The following ASTN2 variants were observed in gnomAD, a reference collection of about 807,000 sequenced individuals.
ASTN2 encodes the protein astrotactin-2.
A neutral mutation model predicts 139.8 loss-of-function variants in ASTN2; 54 were observed. That is an observed-to-expected ratio of 0.39 (90% CI 0.31 to 0.48). The LOEUF is 0.48. ASTN2 is among the 20% of genes least tolerant of loss of function. ASTN2 has a pLI of 0.95. For synonymous variants in ASTN2, 756 were observed against 719.5 expected (o/e 1.05, Z -0.81); for missense variants, 1,565 against 1,725.1 (o/e 0.91, Z 1.64).
intron 19 of ASTN2, among the ~76,000 whole-genome samples, chr9:116,593,435 G>C (rs969548921): frequency 6.6e-5 from 10 of 152,190 alleles, no homozygotes; most frequent in African/African-American, 2.2e-4. Context: ...GTTAAAGGAA[G>C]AGAATGTCTG....
At chr9:116,786,557 C>T (rs910124556) in intron 13 of ASTN2, among the ~76,000 whole-genome samples, 10 of 151,970 alleles carry the variant, frequency 6.6e-5, no homozygotes, top group Non-Finnish European at 8.8e-5. Flanking sequence ...CTTGTTACTA[C>T]AATCACTACT....
chr9:117,216,277 C>T (rs779903462), intron 2 of ASTN2, among the ~76,000 whole-genome samples: 1 of 152,190 alleles, frequency 6.6e-6, no homozygotes, highest in Non-Finnish European at 1.5e-5. Context: ...ATTTGCAAGA[C>T]CCTCAGCTCA....
intron 1 of ASTN2, among the ~76,000 whole-genome samples, chr9:117,321,503 T>C (rs1828321028): frequency 6.6e-6 from 1 of 152,150 alleles, no homozygotes; most frequent in Non-Finnish European, 1.5e-5. Flanking sequence ...AAATTCAGGC[T>C]AAGGTATACA....
chr9:117,095,741 C>T (rs182572461), intron 5 of ASTN2, among the ~76,000 whole-genome samples: 1 of 152,128 alleles, frequency 6.6e-6, no homozygotes, highest in Non-Finnish European at 1.5e-5. Flanking sequence ...TTCTTATTTT[C>T]ATATTAATAT....
intron 1 of ASTN2, among the ~76,000 whole-genome samples, chr9:117,342,791 C>T (rs768404722): frequency 7.9e-4 from 121 of 152,210 alleles, no homozygotes; most frequent in Non-Finnish European, 1.5e-3. Flanking sequence ...TAACAAATAA[C>T]AATGCGGACC....
At chr9:117,299,236 G>A (rs529082124) in intron 1 of ASTN2, among the ~76,000 whole-genome samples, 3 of 152,202 alleles carry the variant, frequency 2.0e-5, no homozygotes, top group South Asian at 4.2e-4. Flanking sequence ...TTTTCTCTAC[G>A]TTTTTTATAC....
At chr9:117,335,657 TCA>T (rs997313021) in intron 1 of ASTN2, among the ~76,000 whole-genome samples, 10 of 152,148 alleles carry the variant, frequency 6.6e-5, no homozygotes, top group African/African-American at 2.4e-4. Context: ...ATGGATTTTT[TCA>T]CAGTCTTGTT....
rs1861094156 is a variant in ASTN2, at chr9:116,699,989, G to A, written c.2806+25782C>T. The A allele has an allele frequency of 2.0e-6, 1 of 510,582 alleles. No individual in the cohort carries two copies. The highest frequency in any genetic ancestry group is 3.6e-6 in the Non-Finnish European group (1 of 278,178). The allele number at this position is 510,582 out of a possible 1,614,324, so 31.6% of individuals were successfully genotyped here. ...TAGGCACTTCCAAGGCTTTAGTAGAGAGAGCCACTTTAGCCCTTTGTGCCA... is the reference window on the plus strand; with the variant it reads ...TAGGCACTTCCAAGGCTTTAGTAGAAAGAGCCACTTTAGCCCTTTGTGCCA... On this transcript the variant is annotated intron_variant, in intron 16 of 22. Coordinates refer to ENST00000313400, the MANE Select transcript of ASTN2 (RefSeq NM_001365068.1). The surrounding 1 kb of genome is among the most constrained non-coding windows in gnomAD (Gnocchi z 4.2).
intron 11 of ASTN2, among the ~76,000 whole-genome samples, chr9:116,836,470 T>G (rs1296392489): frequency 1.3e-5 from 2 of 152,208 alleles, no homozygotes; most frequent in Non-Finnish European, 2.9e-5. Flanking sequence ...TTTAATTTTT[T>G]TCATTTTCTG....
At chr9:116,809,175 A>G (rs975617978) in intron 12 of ASTN2, among the ~76,000 whole-genome samples, 9 of 152,260 alleles carry the variant, frequency 5.9e-5, no homozygotes, top group Admixed American at 3.9e-4. Context: ...AACCCACAAG[A>G]CGATAAAATA....
rs1225054339 is a variant in ASTN2, at chr9:116,465,026, T to C, written c.3497+22333A>G. Among the ~76,000 whole-genome samples the C allele has an allele frequency of 3.3e-5, 5 of 152,224 alleles. No homozygotes were observed. In the East Asian group the frequency reaches 7.7e-4, roughly 23 times the overall value. Reference sequence around the variant, plus strand: ...CGTTATGGAGGGAATGACCTAGATATGGACCCGGCTCTGTGCTTCTGCCTA... The same window carrying C: ...CGTTATGGAGGGAATGACCTAGATACGGACCCGGCTCTGTGCTTCTGCCTA... On this transcript the variant is annotated intron_variant, in intron 20 of 22. Coordinates refer to ENST00000313400, the MANE Select transcript of ASTN2 (RefSeq NM_001365068.1).
chr9:116,441,059 C>A (rs987309319), intron 21 of ASTN2, among the ~76,000 whole-genome samples: 1 of 152,154 alleles, frequency 6.6e-6, no homozygotes, highest in Non-Finnish European at 1.5e-5. Flanking sequence ...CAGGGTCTGG[C>A]ACAAAGTTAG....
At chr9:116,531,698 T>C (rs1851359088) in intron 19 of ASTN2, among the ~76,000 whole-genome samples, 1 of 152,204 alleles carries the variant, frequency 6.6e-6, no homozygotes, top group Non-Finnish European at 1.5e-5. Flanking sequence ...CATGAACTCA[T>C]CCTTTTTTAT....
At chr9:117,253,010 G>C (rs1291226618) in intron 2 of ASTN2, among the ~76,000 whole-genome samples, 3 of 152,142 alleles carry the variant, frequency 2.0e-5, no homozygotes, top group Admixed American at 6.5e-5. Context: ...TGTGAAATGG[G>C]ACCACTAATG....
intron 2 of ASTN2, among the ~76,000 whole-genome samples, chr9:117,219,925 G>T (rs540808233): frequency 6.6e-6 from 1 of 152,254 alleles, no homozygotes; most frequent in East Asian, 1.9e-4. Context: ...GTGCCTGGGG[G>T]CATACAGGCC....
chr9:117,251,317 A>G (rs1412101423), intron 2 of ASTN2, among the ~76,000 whole-genome samples: 1 of 151,150 alleles, frequency 6.6e-6, no homozygotes, highest in Non-Finnish European at 1.5e-5. Flanking sequence ...GCTTTGTGCG[A>G]CACCCTTTAA....
At chr9:116,594,037 G>A (rs1854474300) in intron 19 of ASTN2, among the ~76,000 whole-genome samples, 1 of 152,158 alleles carries the variant, frequency 6.6e-6, no homozygotes, top group African/African-American at 2.4e-5. Flanking sequence ...CCTGCCCCAA[G>A]GCCTTCAATG....
At chr9:117,395,297 G>A (rs1436433163) in intron 1 of ASTN2, among the ~76,000 whole-genome samples, 2 of 152,156 alleles carry the variant, frequency 1.3e-5, no homozygotes, top group Non-Finnish European at 2.9e-5. Context: ...GAATTGGATA[G>A]AAGAAAGGAA....
intron 7 of ASTN2, among the ~76,000 whole-genome samples, chr9:116,985,753 C>T (rs767862953): frequency 6.6e-6 from 1 of 152,194 alleles, no homozygotes; most frequent in Non-Finnish European, 1.5e-5. Context: ...AGCTGATGAA[C>T]ACAGGACGCT....
Sources: gnomAD v4.1 joint callset for allele counts (sites outside exome capture counted in the v4.1 genomes callset) on GRCh38, gnomAD v4.1.1 for gene constraint, Gnocchi (gnomAD v3.1) non-coding constraint, MANE v1.5 for transcripts, NCBI Gene and HGNC (gene_info 2026-07-23, HGNC 2026-07-21) for gene names.